Variants in ALMS1 observed in about 807,000 individuals in gnomAD.
ALMS1 encodes centrosome-associated protein ALMS1.
In ALMS1, 271 loss-of-function variants were observed where a neutral mutation model predicts 352.2. The observed-to-expected ratio is 0.77, with a 90% confidence interval of 0.70 to 0.85. The LOEUF (loss-of-function observed/expected upper bound fraction) is 0.85, where lower values mean the gene tolerates loss of function less well. Among genes scored for constraint, ALMS1 ranks in the 40% least tolerant of loss-of-function variants. The probability of loss-of-function intolerance (pLI) is 0.00; values close to 1 mark genes in which losing one functional copy is unlikely to be tolerated. For synonymous variants in ALMS1, 1,865 were observed against 1,761.2 expected (o/e 1.06, Z -1.48); for missense variants, 5,445 against 4,870.7 (o/e 1.12, Z -3.51).
intron 15 of ALMS1, among the ~76,000 whole-genome samples, chr2:73,565,180 A>G (rs556127946): frequency 6.6e-6 from 1 of 152,336 alleles, no homozygotes; most frequent in South Asian, 2.1e-4. Flanking sequence ...CACAATTACA[A>G]ATGTCCAGGA....
intron 11 of ALMS1, among the ~76,000 whole-genome samples, chr2:73,523,661 G>T (rs1673730126): frequency 6.6e-6 from 1 of 152,128 alleles, no homozygotes; most frequent in African/African-American, 2.4e-5. Flanking sequence ...CAGCTACTCG[G>T]GAGGCTGAGG....
intron 10 of ALMS1, among the ~76,000 whole-genome samples, chr2:73,502,468 A>G (rs1673237260): frequency 6.6e-6 from 1 of 152,162 alleles, no homozygotes; most frequent in Non-Finnish European, 1.5e-5. Context: ...GTAAAAGCAG[A>G]CATCTTGCCC....
chr2:73,513,102 C>A (rs955781344), intron 10 of ALMS1, among the ~76,000 whole-genome samples: 9 of 152,122 alleles, frequency 5.9e-5, no homozygotes, highest in African/African-American at 2.2e-4. Flanking sequence ...TCATTTCTTG[C>A]CAACCTCTCC....
intron 10 of ALMS1, among the ~76,000 whole-genome samples, chr2:73,503,681 T>G (rs1001416738): frequency 3.3e-5 from 5 of 152,184 alleles, no homozygotes; most frequent in African/African-American, 1.2e-4. Flanking sequence ...CACACTGACT[T>G]CCACAATGGT....
chr2:73,400,002 A>G (rs184040373), intron 1 of ALMS1, among the ~76,000 whole-genome samples: 1 of 140,920 alleles, frequency 7.1e-6, no homozygotes, highest in East Asian at 2.1e-4. Flanking sequence ...CAGTGTTGCC[A>G]TCTTGGCTCA....
chr2:73,607,880 T>C (rs1214925466), intron 21 of ALMS1, among the ~76,000 whole-genome samples: 1 of 151,172 alleles, frequency 6.6e-6, no homozygotes, highest in East Asian at 1.9e-4. Flanking sequence ...GCCAGGCTGC[T>C]CTTGAACTCC....
chr2:73,523,114 A>G (rs571982866), intron 11 of ALMS1, among the ~76,000 whole-genome samples: 16 of 152,330 alleles, frequency 1.1e-4, no homozygotes, highest in East Asian at 1.9e-4. Context: ...CATGCATTCT[A>G]TCTGGTACTC....
intron 11 of ALMS1, among the ~76,000 whole-genome samples, chr2:73,522,301 A>G (rs1243093791): frequency 6.6e-6 from 1 of 152,216 alleles, no homozygotes; most frequent in Non-Finnish European, 1.5e-5. Context: ...TATCAAGCTT[A>G]ATATATACCG....
chr2:73,501,297 A>G (rs1255864485), intron 10 of ALMS1, among the ~76,000 whole-genome samples: 1 of 151,756 alleles, frequency 6.6e-6, no homozygotes, highest in Admixed American at 6.6e-5. Flanking sequence ...TCTCTGGGGA[A>G]CAGAAAGCTT....
intron 7 of ALMS1, among the ~76,000 whole-genome samples, chr2:73,443,539 A>G (rs1170057450): frequency 6.6e-6 from 1 of 152,152 alleles, no homozygotes; most frequent in Non-Finnish European, 1.5e-5. Context: ...TCCTGTAAAC[A>G]GCCTCCCTAA....
In ALMS1 at chr2:73,448,545, A is replaced by G. The variant is rs1671854481; in HGVS notation, c.2018A>G (p.Glu673Gly). 6.2e-7 allele frequency: 1 copy of G among 1,613,790 alleles called. No homozygotes were observed. The highest frequency in any genetic ancestry group is 8.5e-7 in the Non-Finnish European group (1 of 1,179,920). ...TCCTCTACATCCCACTCACATGTAG[A>G]GGACCTCCTCTTTTTCTATCGACAG... ...TVSSTSHSHV[E>G]DLLFFYRQTL... The change falls in exon 8 of 23, where the codon GAG (glutamate) becomes GGG (glycine). Residue 673 changes from glutamate to glycine, a missense_variant. Glu to Gly is a moderately conservative substitution (Grantham distance 98). Transcript: ENST00000613296.
At chr2:73,488,032 A>G (rs1672891784) in intron 9 of ALMS1, among the ~76,000 whole-genome samples, 1 of 152,178 alleles carries the variant, frequency 6.6e-6, no homozygotes, top group African/African-American at 2.4e-5. Flanking sequence ...GCAGGCCCGG[A>G]AAAAGCACTA....
intron 7 of ALMS1, among the ~76,000 whole-genome samples, chr2:73,436,686 C>A (rs574662136): frequency 6.6e-6 from 1 of 152,244 alleles, no homozygotes; most frequent in East Asian, 1.9e-4. Context: ...GTGAATTTTT[C>A]ACTTCAGTTA....
intron 7 of ALMS1, 152 bp downstream of exon 7, chr2:73,432,443 G>T: frequency 1.6e-6 from 1 of 608,628 alleles, no homozygotes; most frequent in South Asian, 2.0e-5. Flanking sequence ...AGTCTCTTTA[G>T]ACTGCTATTA....
intron 10 of ALMS1, among the ~76,000 whole-genome samples, chr2:73,499,543 T>C (rs140776275): frequency 6.9e-4 from 105 of 152,290 alleles, no homozygotes; most frequent in African/African-American, 2.2e-3. Flanking sequence ...GCGAAAGATA[T>C]AGAGTTCTAG....
chr2:73,481,948 A>T (rs1444226561), intron 9 of ALMS1, among the ~76,000 whole-genome samples: 1 of 151,988 alleles, frequency 6.6e-6, no homozygotes, highest in Non-Finnish European at 1.5e-5. Context: ...ACTTTGCTGA[A>T]GTTGCTTATC....
At chr2:73,388,599 T>C (rs1205815019) in intron 1 of ALMS1, among the ~76,000 whole-genome samples, 1 of 152,228 alleles carries the variant, frequency 6.6e-6, no homozygotes, top group African/African-American at 2.4e-5. Flanking sequence ...ATTGTTTCAC[T>C]TGATAAATAG....
intron 9 of ALMS1, among the ~76,000 whole-genome samples, chr2:73,481,068 C>T (rs1672692791): frequency 6.6e-6 from 1 of 151,718 alleles, no homozygotes; most frequent in Non-Finnish European, 1.5e-5. Flanking sequence ...TGTGCAGAAG[C>T]TCTTTAGTTT....
At chr2:73,489,240 G>A (rs764702180) in intron 9 of ALMS1, among the ~76,000 whole-genome samples, 1 of 152,218 alleles carries the variant, frequency 6.6e-6, no homozygotes, top group Non-Finnish European at 1.5e-5. Context: ...ATTGGTGTCA[G>A]TCTAGTAATG....
Sources: gnomAD v4.1 joint callset for allele counts (sites outside exome capture counted in the v4.1 genomes callset) on GRCh38, gnomAD v4.1.1 for gene constraint, MANE v1.5 for transcripts, NCBI Gene and HGNC (gene_info 2026-07-23, HGNC 2026-07-21) for gene names.